The following FAM193A variants were observed in gnomAD, a reference collection of about 807,000 sequenced individuals.
FAM193A encodes the protein protein FAM193A.
In FAM193A, 22 loss-of-function variants were observed where a neutral mutation model predicts 126.5. The ratio of observed to expected loss-of-function variants is 0.17; its 90% CI spans 0.12 to 0.25. The LOEUF (loss-of-function observed/expected upper bound fraction) is 0.25, where lower values mean the gene tolerates loss of function less well. Among genes scored for constraint, FAM193A ranks in the 10% least tolerant of loss-of-function variants. FAM193A has a pLI of 1.00. For synonymous variants in FAM193A, 761 were observed against 646.8 expected, an observed-to-expected ratio of 1.18 and a Z score of -2.68; for missense variants, 1,675 against 1,672.8, an observed-to-expected ratio of 1.00 and a Z score of -0.02.
chr4:2,552,874 G>A (rs1332760808), intron 1 of FAM193A, among the ~76,000 whole-genome samples: 1 of 126,772 alleles, frequency 7.9e-6, no homozygotes, highest in Non-Finnish European at 1.6e-5. Context: ...TTTTGAGACA[G>A]TCTTGTTCCA....
chr4:2,726,778 CAAAAAAAAA>C (rs71589604), intron 20 of FAM193A, among the ~76,000 whole-genome samples: 3 of 44,962 alleles, frequency 6.7e-5, no homozygotes, highest in African/African-American at 2.6e-4. Context: ...CTAAAAATAC[CAAAAAAAAA>C]AAAAAAAAAA....
intron 7 of FAM193A, among the ~76,000 whole-genome samples, chr4:2,647,467 C>A (rs1301691447): frequency 6.6e-6 from 1 of 152,068 alleles, no homozygotes; most frequent in Non-Finnish European, 1.5e-5. Flanking sequence ...TTTTTTAAGT[C>A]CAGGAGCTGT....
intron 2 of FAM193A, among the ~76,000 whole-genome samples, chr4:2,609,849 A>G (rs1370229654): frequency 1.3e-5 from 2 of 151,938 alleles, no homozygotes; most frequent in Non-Finnish European, 2.9e-5. Context: ...GAATCCCTCT[A>G]ACCCGGGAGG....
chr4:2,549,859 C>G (rs1050485809), intron 1 of FAM193A, among the ~76,000 whole-genome samples: 2 of 151,868 alleles, frequency 1.3e-5, no homozygotes, highest in Non-Finnish European at 2.9e-5. Context: ...TCCCAAGTAG[C>G]TGGGACTACA....
At chr4:2,568,735 T>C (rs536266501) in intron 1 of FAM193A, among the ~76,000 whole-genome samples, 19 of 152,180 alleles carry the variant, frequency 1.2e-4, no homozygotes, top group Non-Finnish European at 2.2e-4. Flanking sequence ...AGTGATTATT[T>C]GGAGAATAAT....
intron 20 of FAM193A, among the ~76,000 whole-genome samples, chr4:2,729,960 C>T (rs1473734160): frequency 1.3e-5 from 2 of 151,920 alleles, no homozygotes; most frequent in Non-Finnish European, 2.9e-5. Flanking sequence ...GGCTGGAGTG[C>T]GGGGGCACCA....
At chr4:2,674,264 T>G in intron 13 of FAM193A, among the ~76,000 whole-genome samples, 1 of 152,174 alleles carries the variant, frequency 6.6e-6, no homozygotes, top group East Asian at 1.9e-4. Context: ...TAGTTTGTGT[T>G]ATTTGACTTA....
chr4:2,683,284 C>CTTT (rs200488691), intron 13 of FAM193A, among the ~76,000 whole-genome samples: 24 of 142,224 alleles, frequency 1.7e-4, no homozygotes, highest in African/African-American at 5.9e-4. Context: ...AAGATTTTCT[C>CTTT]TTTTTTTTTT....
intron 15 of FAM193A, among the ~76,000 whole-genome samples, chr4:2,691,202 T>C (rs1716341983): frequency 6.6e-6 from 1 of 152,172 alleles, no homozygotes. Flanking sequence ...CTGTCTTGCT[T>C]TTGTCTCTGT....
chr4:2,590,499 A>AGC (rs1197329011), intron 1 of FAM193A, among the ~76,000 whole-genome samples: 1 of 79,360 alleles, frequency 1.3e-5, no homozygotes, highest in Non-Finnish European at 2.4e-5. Context: ...AAAAAAACAA[A>AGC]AAAAAACAAA....
At chr4:2,559,787 G>A (rs1240001347) in intron 1 of FAM193A, among the ~76,000 whole-genome samples, 2 of 152,154 alleles carry the variant, frequency 1.3e-5, no homozygotes, top group African/African-American at 4.8e-5. Context: ...TGCACGGACA[G>A]CTGAGCGTCC....
chr4:2,572,165 C>A (rs1577023274), intron 1 of FAM193A, among the ~76,000 whole-genome samples: 4 of 108,312 alleles, frequency 3.7e-5, no homozygotes, highest in African/African-American at 1.4e-4. Context: ...CCTCTGTGTC[C>A]AAAAAAAAAA....
intron 1 of FAM193A, among the ~76,000 whole-genome samples, chr4:2,563,722 C>T (rs1738771339): frequency 1.3e-5 from 2 of 152,198 alleles, no homozygotes; most frequent in South Asian, 4.1e-4. Flanking sequence ...AACTGGGAAT[C>T]AACCCTCAAA....
chr4:2,586,166 C>T (rs1272193841), intron 1 of FAM193A, among the ~76,000 whole-genome samples: 2 of 151,784 alleles, frequency 1.3e-5, no homozygotes, highest in Non-Finnish European at 2.9e-5. Flanking sequence ...TCACTTGAAC[C>T]CAGGAGGGAG....
chr4:2,603,113 C>T (rs1424487957), intron 2 of FAM193A, among the ~76,000 whole-genome samples: 11 of 148,062 alleles, frequency 7.4e-5, no homozygotes, highest in Non-Finnish European at 1.5e-4. Flanking sequence ...GGATTACAGG[C>T]GCCCACCACC....
chr4:2,704,119 T>C (rs1461988202), intron 19 of FAM193A, among the ~76,000 whole-genome samples: 5 of 151,562 alleles, frequency 3.3e-5, no homozygotes, highest in Non-Finnish European at 7.4e-5. Flanking sequence ...AAAAATCAGT[T>C]GGGCGTGGTG....
In FAM193A at chr4:2,700,463, G is replaced by A. The variant is rs754893806; in HGVS notation, c.4291G>A (p.Val1431Met). ...PGEHQQNSKL[V>M]LAESPQPKGK... ...TGAGCATCAGCAGAACAGCAAGCTGGTGCTGGCAGAGTCCCCTCAGCCAAA... is the reference window on the plus strand; with the variant it reads ...TGAGCATCAGCAGAACAGCAAGCTGATGCTGGCAGAGTCCCCTCAGCCAAA... Residue 1431 changes from valine to methionine, a missense_variant, in exon 19 of 21, where the codon GTG becomes ATG. By Grantham distance (21) the Val-to-Met change is conservative. Coordinates refer to ENST00000637812, the MANE Select transcript of FAM193A (RefSeq NM_001366318.2). 3.7e-6 allele frequency: 6 copies of A among 1,614,152 alleles called. No individual in the cohort carries two copies. In the East Asian group the frequency reaches 1.3e-4, roughly 36 times the overall value.
intron 8 of FAM193A, among the ~76,000 whole-genome samples, chr4:2,659,047 G>A (rs1712068523): frequency 2.0e-5 from 3 of 152,166 alleles, no homozygotes; most frequent in South Asian, 4.1e-4. Flanking sequence ...CACCTTTCCC[G>A]GCCATCCCGT....
At chr4:2,683,877 T>C (rs1284305788) in intron 13 of FAM193A, among the ~76,000 whole-genome samples, 1 of 152,262 alleles carries the variant, frequency 6.6e-6, no homozygotes, top group Non-Finnish European at 1.5e-5. Flanking sequence ...TTCTTGTTTC[T>C]CTTTGCCTTG....
Sources: allele counts gnomAD v4.1 joint callset (sites outside exome capture counted in the v4.1 genomes callset), GRCh38; gene constraint gnomAD v4.1.1; transcripts MANE v1.5; gene names NCBI Gene and HGNC (gene_info 2026-07-23, HGNC 2026-07-21).